RBFOX1: variants seen among roughly 807,000 people sequenced by gnomAD.
The protein encoded by RBFOX1 is RNA binding fox-1 homolog 1, also known as RNA binding protein fox-1 homolog 1.
Under a neutral mutation model 57.7 loss-of-function variants are expected in RBFOX1, and 8 were observed. That is an observed-to-expected ratio of 0.14 (90% CI 0.08 to 0.25). The LOEUF is 0.25. Among genes scored for constraint, RBFOX1 ranks in the 10% least tolerant of loss-of-function variants. The probability of loss-of-function intolerance (pLI) is 1.00; values close to 1 mark genes in which losing one functional copy is unlikely to be tolerated. For missense variants in RBFOX1, 611 were observed against 548.5 expected (o/e 1.11, Z -1.14); for synonymous variants, 326 against 222.4 (o/e 1.47, Z -4.15).
intron 3 of RBFOX1, among the ~76,000 whole-genome samples, chr16:5,821,308 T>A (rs972746004): frequency 4.0e-5 from 6 of 148,520 alleles, no homozygotes; most frequent in Admixed American, 3.3e-4. Flanking sequence ...TTTTTTTTTT[T>A]TTTTTGAGAC....
intron 1 of RBFOX1, among the ~76,000 whole-genome samples, chr16:5,299,608 G>A (rs951425584): frequency 2.6e-5 from 4 of 152,068 alleles, no homozygotes; most frequent in Non-Finnish European, 5.9e-5. Flanking sequence ...CATTATTTTT[G>A]ATTACAGCCA....
At chr16:5,676,916 G>A (rs901184456) in intron 3 of RBFOX1, among the ~76,000 whole-genome samples, 1 of 152,120 alleles carries the variant, frequency 6.6e-6, no homozygotes, top group Non-Finnish European at 1.5e-5. Flanking sequence ...TTCAATAAAT[G>A]TTGGTGATTG....
intron 4 of RBFOX1, among the ~76,000 whole-genome samples, chr16:7,123,635 G>A (rs1322113990): frequency 6.6e-6 from 1 of 152,110 alleles, no homozygotes; most frequent in African/African-American, 2.4e-5. Flanking sequence ...AGAGTGCTGG[G>A]ACTGGAGGAG....
chr16:7,690,203 C>G (rs564311151), intron 14 of RBFOX1, among the ~76,000 whole-genome samples: 2 of 152,240 alleles, frequency 1.3e-5, no homozygotes, highest in South Asian at 4.1e-4. Flanking sequence ...GCAGAAACCT[C>G]AGGAATGGGC....
At chr16:7,121,876 C>G (rs976291211) in intron 4 of RBFOX1, among the ~76,000 whole-genome samples, 1 of 151,862 alleles carries the variant, frequency 6.6e-6, no homozygotes, top group Admixed American at 6.6e-5. Flanking sequence ...AATAGACCCA[C>G]AAAATATACT....
chr16:5,512,067 G>A (rs917844317), intron 2 of RBFOX1, among the ~76,000 whole-genome samples: 1 of 152,194 alleles, frequency 6.6e-6, no homozygotes, highest in Non-Finnish European at 1.5e-5. Context: ...GGATGCACAC[G>A]GTGGCAATGG....
At chr16:6,292,506 C>T (rs2077578088) in intron 1 of RBFOX1, among the ~76,000 whole-genome samples, 1 of 151,904 alleles carries the variant, frequency 6.6e-6, no homozygotes, top group Non-Finnish European at 1.5e-5. Flanking sequence ...TGAAAGCAGC[C>T]TCTTAATATC....
intron 2 of RBFOX1, among the ~76,000 whole-genome samples, chr16:6,534,505 T>C (rs1315011646): frequency 1.3e-5 from 2 of 152,166 alleles, no homozygotes; most frequent in Non-Finnish European, 2.9e-5. Context: ...GATGTGTGAA[T>C]CATGCTTTTC....
At chr16:6,767,951 AAGAAG>A (rs1567165832) in intron 3 of RBFOX1, among the ~76,000 whole-genome samples, 1 of 71,862 alleles carries the variant, frequency 1.4e-5, no homozygotes, top group South Asian at 3.9e-4. Flanking sequence ...TAATAATAAG[AAGAAG>A]AAGAAGAAGA....
intron 5 of RBFOX1, among the ~76,000 whole-genome samples, chr16:7,549,988 G>C (rs2085831662): frequency 6.6e-6 from 1 of 152,018 alleles, no homozygotes; most frequent in African/African-American, 2.4e-5. Flanking sequence ...GGAGTGCAGT[G>C]GTGTGATCAT....
At chr16:6,708,230 C>G (rs1333998821) in intron 3 of RBFOX1, among the ~76,000 whole-genome samples, 1 of 151,960 alleles carries the variant, frequency 6.6e-6, no homozygotes, top group Non-Finnish European at 1.5e-5. Flanking sequence ...AATGGTCACT[C>G]TTATTTATTA....
In RBFOX1 at chr16:5,849,374, C is replaced by T. The variant is rs182286284; in HGVS notation, c.319-17929C>T. 2.6e-5 allele frequency among the ~76,000 whole-genome samples: 4 copies of T among 152,160 alleles called. No homozygotes were observed. In the East Asian group the frequency reaches 5.8e-4, roughly 22 times the overall value. The stretch of plus-strand genomic sequence containing the variant: ...TTACTGAAATCACCATGAGGCCCTG[C>T]TTCCTCAAGGTGTAGGAAAGGGAGG... On this transcript the variant is annotated intron_variant, in intron 3 of 19. Coordinates refer to the RBFOX1 transcript ENST00000641259.
chr16:7,333,761 G>A (rs2096734720), intron 4 of RBFOX1, among the ~76,000 whole-genome samples: 1 of 122,878 alleles, frequency 8.1e-6, no homozygotes, highest in African/African-American at 4.6e-5. Context: ...ATAAACAATT[G>A]GGGACCTTTT....
intron 1 of RBFOX1, among the ~76,000 whole-genome samples, chr16:5,296,661 A>AT (rs1030522399): frequency 2.8e-4 from 37 of 134,400 alleles, no homozygotes; most frequent in African/African-American, 7.7e-4. Flanking sequence ...GCCAACCACC[A>AT]TTTTTTTTTC....
At chr16:6,529,589 ATTAT>A (rs1348183300) in intron 2 of RBFOX1, among the ~76,000 whole-genome samples, 3 of 151,310 alleles carry the variant, frequency 2.0e-5, no homozygotes, top group Non-Finnish European at 4.4e-5. Flanking sequence ...ATAATATATT[ATTAT>A]TTATCCTAAA....
intron 2 of RBFOX1, among the ~76,000 whole-genome samples, chr16:5,528,691 C>T (rs1171837505): frequency 1.3e-5 from 2 of 151,468 alleles, no homozygotes; most frequent in Non-Finnish European, 2.9e-5. Flanking sequence ...ACTCTGTCGC[C>T]CAGGCTGGAC....
At chr16:5,507,196 C>T (rs1436612947) in intron 2 of RBFOX1, among the ~76,000 whole-genome samples, 2 of 152,136 alleles carry the variant, frequency 1.3e-5, no homozygotes, top group African/African-American at 4.8e-5. Context: ...TGATGCCTGG[C>T]ACCGAATAAG....
Position 5,510,977 on chromosome 16 carries a change from A to G in RBFOX1, c.258+43723A>G, listed in dbSNP as rs147699055. Among the ~76,000 whole-genome samples, 123 of 152,274 alleles carry G rather than the reference A, an allele frequency of 8.1e-4. 1 individual carries two copies. The East Asian group carries it at 0.019, about 24-fold the overall frequency. ...ACCTGTGCCTTGTATAATCCACATG[A>G]CTATTATTTTTCCTTTACTGTTTTA... On this transcript the variant is annotated intron_variant, in intron 2 of 2. Coordinates refer to the RBFOX1 transcript ENST00000585867.
At chr16:7,508,440 A>G (rs1001856500) in intron 4 of RBFOX1, among the ~76,000 whole-genome samples, 4 of 152,124 alleles carry the variant, frequency 2.6e-5, no homozygotes, top group Non-Finnish European at 5.9e-5. Context: ...GTTTGTGCGA[A>G]TGGCTGCTGT....
Sources: allele counts gnomAD v4.1 joint callset (sites outside exome capture counted in the v4.1 genomes callset), GRCh38; gene constraint gnomAD v4.1.1; transcripts MANE v1.5; gene names NCBI Gene and HGNC (gene_info 2026-07-23, HGNC 2026-07-21).